Variants in GRM1 observed in about 807,000 individuals in gnomAD.
GRM1 encodes glutamate metabotropic receptor 1.
A neutral mutation model predicts 90.9 loss-of-function variants in GRM1; 33 were observed. That is an observed-to-expected ratio of 0.36 (90% CI 0.28 to 0.49). GRM1 has a LOEUF of 0.49. Ranked by LOEUF, GRM1 falls within the 20% of genes least tolerant of loss-of-function variation. The pLI, the probability that GRM1 is intolerant of heterozygous loss-of-function variation, is 0.99. For missense variants in GRM1, 1,190 were observed against 1,534.3 expected, an observed-to-expected ratio of 0.78 and a Z score of 3.75; for synonymous variants, 700 against 613.2, an observed-to-expected ratio of 1.14 and a Z score of -2.09.
chr6:146,273,690 C>CTT (rs1029172467), intron 2 of GRM1, among the ~76,000 whole-genome samples: 2 of 152,266 alleles, frequency 1.3e-5, no homozygotes, highest in Non-Finnish European at 1.5e-5. Flanking sequence ...GAAAGTGTTT[C>CTT]TTTTATAAAC....
chr6:146,075,370 ATTGT>A (rs1047567517), intron 1 of GRM1, among the ~76,000 whole-genome samples: 3 of 152,212 alleles, frequency 2.0e-5, no homozygotes, highest in African/African-American at 4.8e-5. Flanking sequence ...AGTGAACAAA[ATTGT>A]TTGTCCTCAG....
At chr6:146,219,986 A>G (rs1050364369) in intron 2 of GRM1, among the ~76,000 whole-genome samples, 1 of 151,996 alleles carries the variant, frequency 6.6e-6, no homozygotes, top group African/African-American at 2.4e-5. Context: ...GGAACAGGGA[A>G]GGTATCAAGG....
chr6:146,099,554 TG>T (rs1336386203), intron 1 of GRM1, among the ~76,000 whole-genome samples: 1 of 152,204 alleles, frequency 6.6e-6, no homozygotes, highest in Non-Finnish European at 1.5e-5. Flanking sequence ...TATACTATCC[TG>T]GCTTTATAGT....
chr6:146,257,008 T>C (rs558243984), intron 2 of GRM1, among the ~76,000 whole-genome samples: 1 of 152,304 alleles, frequency 6.6e-6, no homozygotes, highest in East Asian at 1.9e-4. Context: ...CTCTGTGTTT[T>C]GTTTTATGCC....
chr6:146,048,123 A>G (rs968570406), intron 1 of GRM1, among the ~76,000 whole-genome samples: 4 of 152,058 alleles, frequency 2.6e-5, no homozygotes, highest in Admixed American at 6.6e-5. Context: ...TACAGCGTGT[A>G]CCATATTTTA....
At chr6:146,216,574 G>C (rs1159264939) in intron 2 of GRM1, among the ~76,000 whole-genome samples, 1 of 152,152 alleles carries the variant, frequency 6.6e-6, no homozygotes, top group Non-Finnish European at 1.5e-5. Context: ...CGGTTGACTG[G>C]TTCTTAGAAA....
At chr6:146,268,412 A>AT (rs1164644608) in intron 2 of GRM1, among the ~76,000 whole-genome samples, 1 of 152,064 alleles carries the variant, frequency 6.6e-6, no homozygotes, top group Non-Finnish European at 1.5e-5. Flanking sequence ...TAGGAGCAAT[A>AT]TTGCTCTATC....
intron 5 of GRM1, among the ~76,000 whole-genome samples, chr6:146,386,631 A>T (rs1226744399): frequency 6.6e-6 from 1 of 152,050 alleles, no homozygotes; most frequent in African/African-American, 2.4e-5. Flanking sequence ...CTGCAAAAAA[A>T]TGTAGTCAAA....
At chr6:146,112,168 G>C (rs1055764835) in intron 1 of GRM1, among the ~76,000 whole-genome samples, 1 of 151,968 alleles carries the variant, frequency 6.6e-6, no homozygotes, top group African/African-American at 2.4e-5. Context: ...GCTATCTGAT[G>C]AGTCTGTAAT....
At chr6:146,043,309 G>C (rs994076898) in intron 1 of GRM1, among the ~76,000 whole-genome samples, 9 of 151,738 alleles carry the variant, frequency 5.9e-5, no homozygotes, top group Admixed American at 3.3e-4. Context: ...AAAAAATTAG[G>C]TTTCCAGAAT....
chr6:146,308,537 A>C (rs1463462090), intron 3 of GRM1, among the ~76,000 whole-genome samples: 1 of 152,228 alleles, frequency 6.6e-6, no homozygotes, highest in Non-Finnish European at 1.5e-5. Flanking sequence ...GGAAACTAGA[A>C]AAAACAAGAC....
chr6:146,402,564 T>C (rs1385466291), intron 7 of GRM1, among the ~76,000 whole-genome samples: 2 of 152,122 alleles, frequency 1.3e-5, no homozygotes, highest in South Asian at 2.1e-4. Context: ...CATCACCCAA[T>C]GAGTTTATTG....
intron 1 of GRM1, among the ~76,000 whole-genome samples, chr6:146,053,467 T>C (rs2128849792): frequency 6.6e-6 from 1 of 152,228 alleles, no homozygotes; most frequent in South Asian, 2.1e-4. Context: ...TAGGATCGAC[T>C]TAGAGGCTGA....
chr6:146,233,316 G>C (rs1002996020), intron 2 of GRM1, among the ~76,000 whole-genome samples: 1 of 152,082 alleles, frequency 6.6e-6, no homozygotes, highest in Non-Finnish European at 1.5e-5. Context: ...TGGCTCATGA[G>C]AGCTAATTGT....
intron 3 of GRM1, chr6:146,340,539 C>CT (rs750480514): frequency 2.2e-3 from 335 of 150,430 alleles, no homozygotes; most frequent in Middle Eastern, 0.02. Context: ...AGCCATATTT[C>CT]TTTTTTTTGT....
chr6:146,107,382 A>T (rs1299577030), intron 1 of GRM1, among the ~76,000 whole-genome samples: 3 of 151,224 alleles, frequency 2.0e-5, no homozygotes, highest in Admixed American at 2.0e-4. Flanking sequence ...TTATGGTTTT[A>T]ACATTCCTTG....
At chr6:146,287,168 G>A (rs939325922) in intron 2 of GRM1, among the ~76,000 whole-genome samples, 31 of 152,098 alleles carry the variant, frequency 2.0e-4, no homozygotes, top group Admixed American at 6.5e-4. Flanking sequence ...TCTTTGTAAC[G>A]GAAAGAGGAG....
intron 3 of GRM1, among the ~76,000 whole-genome samples, chr6:146,317,725 T>C (rs966042557): frequency 7.9e-5 from 12 of 152,336 alleles, no homozygotes; most frequent in South Asian, 2.1e-4. Context: ...ACATTGATAG[T>C]TGCAGCATAA....
At chr6:146,155,818 C>G (rs1164978848) in intron 1 of GRM1, among the ~76,000 whole-genome samples, 1 of 152,192 alleles carries the variant, frequency 6.6e-6, no homozygotes, top group African/African-American at 2.4e-5. Flanking sequence ...AGCCCATGCA[C>G]AGCCTGGTAG....
Sources: allele counts gnomAD v4.1 joint callset (sites outside exome capture counted in the v4.1 genomes callset), GRCh38; gene constraint gnomAD v4.1.1; transcripts MANE v1.5; gene names NCBI Gene and HGNC (gene_info 2026-07-23, HGNC 2026-07-21).